ZZEF1: variants seen among roughly 807,000 people sequenced by gnomAD.
The protein encoded by ZZEF1 is zinc finger ZZ-type and EF-hand domain containing 1.
A neutral mutation model predicts 342.8 loss-of-function variants in ZZEF1; 157 were observed. The ratio of observed to expected loss-of-function variants is 0.46; its 90% confidence interval spans 0.40 to 0.52. The LOEUF (loss-of-function observed/expected upper bound fraction) is 0.52, where lower values mean the gene tolerates loss of function less well. Among genes scored for constraint, ZZEF1 ranks in the 20% least tolerant of loss-of-function variants. The pLI, the probability that ZZEF1 is intolerant of heterozygous loss-of-function variation, is 0.00. For synonymous variants in ZZEF1, 1,505 were observed against 1,429.1 expected (o/e 1.05, Z -1.20); for missense variants, 3,480 against 3,725.6 (o/e 0.93, Z 1.72).
chr17:4,076,878 G>A lies in ZZEF1; in HGVS notation c.3101C>T (p.Ala1034Val), dbSNP rs368338467. The A allele has an allele frequency of 6.2e-7, 1 of 1,614,122 alleles. No individual in the cohort carries two copies. Among genetic ancestry groups the A allele is most frequent in the Non-Finnish European group, 8.5e-7 (1 of 1,179,996 alleles). Residue 1034 changes from alanine to valine, a missense_variant, in exon 20 of 55, where the codon GCT becomes GTT. Physicochemically the swap from Ala to Val is moderately conservative, Grantham distance 64 (BLOSUM62 0). Coordinates refer to ENST00000381638, the MANE Select transcript of ZZEF1 (RefSeq NM_015113.4). ...RLCNSVFSMA[A>V]RQLVIFLLDF... Reference sequence around the variant, plus strand: ...GCTAGTTTTTCTTACCAGTTGACGAGCTGCCATTGAAAACACTGAGTTACA... The same window carrying A: ...GCTAGTTTTTCTTACCAGTTGACGAACTGCCATTGAAAACACTGAGTTACA...
chr17:4,111,059 T>C (rs2058288912), intron 5 of ZZEF1, among the ~76,000 whole-genome samples: 1 of 152,092 alleles, frequency 6.6e-6, no homozygotes, highest in South Asian at 2.1e-4. Flanking sequence ...TTCGTGAATA[T>C]AACACACTCT....
rs369165922 is a variant in ZZEF1, at chr17:4,082,425, C to T, written c.2714+12G>A. The T allele has an allele frequency of 2.2e-5, 36 of 1,613,494 alleles. No individual in the cohort carries two copies. The highest frequency in any genetic ancestry group is 3.3e-4 in the Middle Eastern group (2 of 6,062). ...TGAGTTATCCGACAATTAAAAAGAA[C>T]GATCAGCTTACCTAAAATACGTGCA... On this transcript the variant is annotated intron_variant, in intron 17 of 54. Coordinates refer to ENST00000381638, the MANE Select transcript of ZZEF1 (RefSeq NM_015113.4).
At position 4,014,632 on chromosome 17, in the gene ZZEF1, G is replaced by A; in HGVS notation, c.8146-117C>T. On this transcript the variant is annotated intron_variant, in intron 49 of 54. Coordinates refer to ENST00000381638, the MANE Select transcript of ZZEF1 (RefSeq NM_015113.4). The surrounding 1 kb of genome is among the most constrained non-coding windows in gnomAD (Gnocchi z 4.4). ...GGTGTGTGAGAATGAGTGAACCACA[G>A]CCCTGGCCTCCAGGAGTGCAGAGTC... 2 of 1,082,754 alleles carry A rather than the reference G, an allele frequency of 1.8e-6. No individual in the cohort carries two copies. Among genetic ancestry groups the A allele is most frequent in the East Asian group, 2.4e-5 (1 of 42,202 alleles). The allele number at this position is 1,082,754 out of a possible 1,614,324, so 67.1% of individuals were successfully genotyped here.
chr17:4,052,084 C>A lies in ZZEF1; in HGVS notation c.5487G>T (p.Glu1829Asp), dbSNP rs1380457082. Reference sequence around the variant, plus strand: ...AACCCTGGCAGTGGTCACAGGTAAACTCCATGTTGACCATTTCATGGTCGT... The same window carrying A: ...AACCCTGGCAGTGGTCACAGGTAAAATCCATGTTGACCATTTCATGGTCGT... ...HGDDHEMVNM[E>D]FTCDHCQGLI... The change falls in exon 35 of 55, where the codon GAG (glutamate) becomes GAT (aspartate). Residue 1829 changes from glutamate (E) to aspartate (D), a missense_variant. Glu to Asp is a conservative substitution (Grantham distance 45). This residue lies in a region of ZZEF1 where 175 missense variants were observed against 254.6 expected (regional missense o/e 0.69). Transcript: ENST00000381638. 3.1e-6 allele frequency: 5 copies of A among 1,614,176 alleles called. No individual in the cohort carries two copies. Among genetic ancestry groups the A allele is most frequent in the Non-Finnish European group, 3.4e-6 (4 of 1,180,038 alleles).
chr17:4,045,141 A>C (rs1461405983), intron 37 of ZZEF1, among the ~76,000 whole-genome samples: 2 of 151,426 alleles, frequency 1.3e-5, no homozygotes, highest in African/African-American at 4.9e-5. Flanking sequence ...GCGACAGAGC[A>C]AGACTCTGTC....
Position 4,016,041 on chromosome 17 carries a change from C to T in ZZEF1, c.8145+282G>A, listed in dbSNP as rs2056091071. Reference sequence around the variant, plus strand: ...GAAGCCAAGGACTCACTCTGAGGAGCCTGCCGCAGGGAAAGTAAAGCTCTC... The same window carrying T: ...GAAGCCAAGGACTCACTCTGAGGAGTCTGCCGCAGGGAAAGTAAAGCTCTC... On this transcript the variant is annotated intron_variant, in intron 49 of 54. Transcript: ENST00000381638. This position sits in a 1 kb window ranked among gnomAD's most constrained non-coding sequence, Gnocchi z 4.4. 6.6e-6 allele frequency among the ~76,000 whole-genome samples: 1 copy of T among 152,204 alleles called. No individual in the cohort carries two copies.
intron 9 of ZZEF1, among the ~76,000 whole-genome samples, chr17:4,102,028 T>C (rs180789557): frequency 7.9e-5 from 12 of 152,206 alleles, no homozygotes; most frequent in East Asian, 3.9e-4. Flanking sequence ...AGAAAGACAA[T>C]TGGAACTGAA....
chr17:4,081,209 C>G (rs1392427411), intron 18 of ZZEF1, among the ~76,000 whole-genome samples, 167 bp downstream of exon 18: 1 of 152,100 alleles, frequency 6.6e-6, no homozygotes, highest in East Asian at 1.9e-4. Context: ...TGCACCCCAG[C>G]CCGGGTGACA....
intron 45 of ZZEF1, among the ~76,000 whole-genome samples, chr17:4,020,253 G>C (rs933225217): frequency 6.6e-6 from 1 of 152,186 alleles, no homozygotes; most frequent in African/African-American, 2.4e-5. Flanking sequence ...GTTTTAACCT[G>C]CACTTAAACT....
intron 1 of ZZEF1, among the ~76,000 whole-genome samples, chr17:4,140,919 T>A (rs2058834677): frequency 2.6e-5 from 4 of 151,976 alleles, no homozygotes; most frequent in Non-Finnish European, 5.9e-5. Context: ...ACTTTTTTTT[T>A]TTTTTTTGAG....
At chr17:4,028,288 C>T (rs1423960764) in intron 42 of ZZEF1, among the ~76,000 whole-genome samples, 1 of 152,178 alleles carries the variant, frequency 6.6e-6, no homozygotes, top group Non-Finnish European at 1.5e-5. Flanking sequence ...GTGGTTCACA[C>T]CTGTAATCCC....
In ZZEF1 at chr17:4,117,012, G is replaced by A. The variant is rs1213127883; in HGVS notation, c.654C>T (p.Val218=). Residue 218 remains valine (V), a synonymous_variant, in exon 3 of 55, where the codon GTC becomes GTT. Transcript: ENST00000381638. ...CCAGCTGATCCAGAGACTCCTTCAG[G>A]ACGGAAGACCGCATGGTGCACATGT... is the stretch of plus-strand genomic sequence containing the variant. ...CNNMCTMRSS[V]LKESLDQLVQ... 1 of 1,613,318 alleles carries A rather than the reference G, an allele frequency of 6.2e-7. No individual in the cohort carries two copies.
Position 4,017,873 on chromosome 17 carries a change from T to C in ZZEF1, c.7604A>G (p.Lys2535Arg). Residue 2535 changes from lysine to arginine, a missense_variant, in exon 47 of 55, where the codon AAA (lysine) becomes AGA (arginine). Physicochemically the swap from Lys to Arg is conservative, Grantham distance 26. Coordinates refer to ENST00000381638, the MANE Select transcript of ZZEF1 (RefSeq NM_015113.4). The surrounding 1 kb of genome is among the most constrained non-coding windows in gnomAD (Gnocchi z 5.1). ...KSLRLEEQSAKAVDTDMIILP... is the reference protein window; with the variant it reads ...KSLRLEEQSARAVDTDMIILP... ...GATAATCATGTCTGTATCCACAGCT[T>C]TGGCGCTCTGTTCTTCCAGCCTCAG... 1.2e-6 allele frequency: 2 copies of C among 1,614,154 alleles called. No individual in the cohort carries two copies. The highest frequency in any genetic ancestry group is 8.5e-7 in the Non-Finnish European group (1 of 1,180,042).
intron 1 of ZZEF1, among the ~76,000 whole-genome samples, chr17:4,135,443 C>T (rs142641941): frequency 1.3e-5 from 2 of 150,898 alleles, no homozygotes; most frequent in Non-Finnish European, 3.0e-5. Flanking sequence ...CACTGCACTG[C>T]AGCCTGGGCA....
intron 28 of ZZEF1, among the ~76,000 whole-genome samples, chr17:4,065,570 T>A (rs1260112751): frequency 6.6e-6 from 1 of 152,122 alleles, no homozygotes; most frequent in African/African-American, 2.4e-5. Flanking sequence ...AACATGTATA[T>A]AGAGAAAATA....
rs759866653 is a variant in ZZEF1 at position 4,042,394 on chromosome 17, C to A, written c.6306+35G>T. 1.9e-6 allele frequency: 3 copies of A among 1,593,924 alleles called. No individual in the cohort carries two copies. In the Admixed American group the frequency reaches 5.3e-5, roughly 28 times the overall value. On this transcript the variant is annotated intron_variant, in intron 39 of 54. Coordinates refer to ENST00000381638, the MANE Select transcript of ZZEF1 (RefSeq NM_015113.4). ...TTCCAAAACCTTCTTCTATGCATAC[C>A]ACCACCCCCACTTTTAAAAATAAAT...
chr17:4,096,990 A>T (rs145495604), intron 9 of ZZEF1, among the ~76,000 whole-genome samples: 1 of 152,070 alleles, frequency 6.6e-6, no homozygotes, highest in African/African-American at 2.4e-5. Flanking sequence ...GGCCGGGCAC[A>T]GTGGCTCACG....
At chr17:4,117,507 G>T (rs1476494278) in intron 2 of ZZEF1, among the ~76,000 whole-genome samples, 1 of 151,930 alleles carries the variant, frequency 6.6e-6, no homozygotes, top group East Asian at 1.9e-4. Flanking sequence ...AGTTAGCTGG[G>T]GGTGGTGGCA....
intron 2 of ZZEF1, 103 bp downstream of exon 2, chr17:4,123,804 T>C: frequency 7.6e-7 from 1 of 1,318,848 alleles, no homozygotes; most frequent in Non-Finnish European, 1.0e-6. Context: ...ATGAACACTG[T>C]TGGGGGAGTT....
Sources: gnomAD v4.1 joint callset for allele counts (sites outside exome capture counted in the v4.1 genomes callset) on GRCh38, gnomAD v4.1.1 for gene constraint, gnomAD v4.1.1 regional missense constraint, Gnocchi (gnomAD v3.1) non-coding constraint, MANE v1.5 for transcripts, NCBI Gene and HGNC (gene_info 2026-07-23, HGNC 2026-07-21) for gene names.